RGMB: variants seen among roughly 807,000 people sequenced by gnomAD.
RGMB encodes repulsive guidance molecule BMP co-receptor b.
A neutral mutation model predicts 26.9 loss-of-function variants in RGMB; 16 were observed. The observed-to-expected ratio is 0.60, with a 90% CI of 0.40 to 0.90. The LOEUF (loss-of-function observed/expected upper bound fraction) is 0.90, where lower values mean the gene tolerates loss of function less well. Among genes scored for constraint, RGMB ranks in the 40% least tolerant of loss-of-function variants. The pLI, the probability that RGMB is intolerant of heterozygous loss-of-function variation, is 0.00. For synonymous variants in RGMB, 225 were observed against 229.3 expected (o/e 0.98, Z 0.17); for missense variants, 512 against 573.3 (o/e 0.89, Z 1.09).
At chr5:98,770,624 C>T, upstream of RGMB, 2 of 1,379,622 alleles carry the variant, frequency 1.4e-6, no homozygotes, top group Admixed American at 3.1e-5. Context: ...AGTTCAGGGG[C>T]CCCCTGATCC....
At position 98,793,466 on chromosome 5, in the gene RGMB, G is replaced by T; in HGVS notation, c.1027G>T (p.Val343Leu). The change falls in exon 3 of 3, where the codon GTG becomes TTG. Residue 343 changes from valine (V) to leucine (L), a missense_variant. Physicochemically the swap from Val to Leu is conservative, Grantham distance 32. Transcript: ENST00000513185. ...ACACAGCCTGCCTCGCACCTCCTTG[G>T]TGCAGGCCTGGCCTGGCTACACACT... is the stretch of plus-strand genomic sequence containing the variant. ...LGHSLPRTSL[V>L]QAWPGYTLET... is the part of the protein sequence containing the mutation. The T allele has an allele frequency of 6.2e-7, 1 of 1,613,036 alleles. No individual in the cohort carries two copies. Among genetic ancestry groups the T allele is most frequent in the Non-Finnish European group, 8.5e-7 (1 of 1,179,528 alleles).
At position 98,794,787 on chromosome 5, in the gene RGMB, A is replaced by C. The variant is rs1038113490; in HGVS notation, c.*1034A>C. ...TGGGGTTTGTTAGGTTCTTTCTCTA[A>C]TGTAGAGGCCCAGATCCCATCACAA... On this transcript the variant is annotated 3_prime_UTR_variant, in exon 3 of 3. Coordinates refer to ENST00000513185, the MANE Select transcript of RGMB (RefSeq NM_001366508.1). 2.0e-5 allele frequency: 3 copies of C among 152,098 alleles called. No individual in the cohort carries two copies. Among genetic ancestry groups the C allele is most frequent in the Non-Finnish European group, 4.4e-5 (3 of 68,004 alleles). 9.4% of individuals were successfully genotyped at this position (152,098 alleles called of 1,614,324 possible). A position where few individuals can be genotyped will look rare whatever the true frequency, so the allele number is the denominator to read the frequency against.
At position 98,793,736 on chromosome 5, in the gene RGMB, C is replaced by A. The variant is rs189989924; in HGVS notation, c.1297C>A (p.Leu433Ile). The A allele has an allele frequency of 2.5e-6, 4 of 1,575,938 alleles. No homozygotes were observed. The Admixed American group carries it at 7.5e-5, about 29-fold the overall frequency. Residue 433 changes from leucine to isoleucine, a missense_variant, in exon 3 of 3, where the codon CTT becomes ATT. Transcript: ENST00000513185. The stretch of plus-strand genomic sequence containing the variant: ...CAGTCTAGGACTCACCTGCTTGATC[C>A]TTATCGTGTTTTTGTAGGGGTTGTC... ...SVSLGLTCLI[L>I]IVFL is the part of the protein sequence containing the mutation.
At chr5:98,778,099 G>C (rs1222779684) in intron 1 of RGMB, among the ~76,000 whole-genome samples, 2 of 152,164 alleles carry the variant, frequency 1.3e-5, no homozygotes, top group Admixed American at 6.5e-5. Context: ...TAAAAGTGGT[G>C]ACAGAGTTGT....
upstream of RGMB, chr5:98,769,933 G>C (rs1167559375): frequency 6.6e-6 from 1 of 152,442 alleles, no homozygotes; most frequent in Non-Finnish European, 1.5e-5. Flanking sequence ...CAGGGCTGGC[G>C]CTCCGCAGAG....
chr5:98,791,657 G>C (rs920188814), intron 2 of RGMB, among the ~76,000 whole-genome samples: 2 of 152,126 alleles, frequency 1.3e-5, no homozygotes, highest in African/African-American at 2.4e-5. Flanking sequence ...GTTTTTTCAA[G>C]AAGGAAGAGA....
In RGMB at chr5:98,795,565, G is replaced by A. The variant is rs1448913924; in HGVS notation, c.*1812G>A. The A allele has an allele frequency of 6.6e-6, 1 of 152,128 alleles. No individual in the cohort carries two copies. Among genetic ancestry groups the A allele is most frequent in the Non-Finnish European group, 1.5e-5 (1 of 68,036 alleles). 9.4% of individuals were successfully genotyped at this position (152,128 alleles called of 1,614,324 possible). A position where few individuals can be genotyped will look rare whatever the true frequency, so the allele number is the denominator to read the frequency against. On this transcript the variant is annotated 3_prime_UTR_variant, in exon 3 of 3. Transcript: ENST00000513185. ...TGGGCAGTCTGGGAAAATAAGGAAG[G>A]CATCTCCTTCTTACTCATGGAGATT...
At chr5:98,787,852 T>C (rs17166380) in intron 2 of RGMB, among the ~76,000 whole-genome samples, 2,871 of 152,346 alleles carry the variant, frequency 0.019, 70 homozygotes, top group African/African-American at 0.066. Context: ...TGTGTCTTCC[T>C]GGGCCAGCTT....
At chr5:98,774,802 A>G (rs1000068120) in intron 1 of RGMB, among the ~76,000 whole-genome samples, 1 of 152,082 alleles carries the variant, frequency 6.6e-6, no homozygotes, top group Non-Finnish European at 1.5e-5. Context: ...CTCCCGGGAA[A>G]AGCTCGTGTT....
At chr5:98,781,533 T>C (rs1035051626) in intron 2 of RGMB, among the ~76,000 whole-genome samples, 1 of 152,224 alleles carries the variant, frequency 6.6e-6, no homozygotes, top group African/African-American at 2.4e-5. Context: ...AAATCCATCA[T>C]TACTGCAGAG....
At chr5:98,773,580 T>G, upstream of RGMB, 1 of 217,498 alleles carries the variant, frequency 4.6e-6, no homozygotes, top group Non-Finnish European at 9.0e-6. Flanking sequence ...CGGCGGGGGA[T>G]TATGGCGTCG....
chr5:98,770,470 G>GT (rs1746117972), upstream of RGMB: 1 of 434,600 alleles, frequency 2.3e-6, no homozygotes, highest in Non-Finnish European at 4.1e-6. Context: ...GAGCAGCGGC[G>GT]GAGCCCGCAG....
intron 2 of RGMB, among the ~76,000 whole-genome samples, chr5:98,787,499 G>A (rs2662259): frequency 0.23 from 35,037 of 152,176 alleles, 5,466 homozygotes; most frequent in African/African-American, 0.44. Context: ...TCACCTTTCA[G>A]AATATTTTTA....
intron 1 of RGMB, among the ~76,000 whole-genome samples, chr5:98,778,154 A>G (rs1369651741): frequency 6.6e-6 from 1 of 152,202 alleles, no homozygotes; most frequent in East Asian, 1.9e-4. Context: ...AGCCAAAGCC[A>G]GAAACAGAGC....
rs547369176 is a variant in RGMB at position 98,795,252 on chromosome 5, C to T, written c.*1499C>T. 6.6e-6 allele frequency: 1 copy of T among 152,262 alleles called. No individual in the cohort carries two copies. Among genetic ancestry groups the T allele is most frequent in the Non-Finnish European group, 1.5e-5 (1 of 68,018 alleles). The allele number at this position is 152,262 out of a possible 1,614,324, so 9.4% of individuals were successfully genotyped here. ...GTTCCAAGAAGTGATAGAGTTTCTGCTTTAATAATTTGTTGATAAGTTTAC... is the reference window on the plus strand; with the variant it reads ...GTTCCAAGAAGTGATAGAGTTTCTGTTTTAATAATTTGTTGATAAGTTTAC... On this transcript the variant is annotated 3_prime_UTR_variant, in exon 3 of 3. Coordinates refer to ENST00000513185, the MANE Select transcript of RGMB (RefSeq NM_001366508.1).
chr5:98,774,144 T>C lies in RGMB; in HGVS notation c.74T>C (p.Leu25Pro), dbSNP rs978754868. Reference protein sequence around the residue: ...AEVEQRRSPGLCPPPLELLLL... With the variant: ...AEVEQRRSPGPCPPPLELLLL... ...GTTGAGCAGCGCCGCAGCCCCGGGCTCTGCCCCCCGCCGCTGGAGCTGCTG... is the reference window on the plus strand; with the variant it reads ...GTTGAGCAGCGCCGCAGCCCCGGGCCCTGCCCCCCGCCGCTGGAGCTGCTG... The change falls in exon 1 of 3, where the codon CTC becomes CCC. Residue 25 changes from leucine to proline, a missense_variant. Physicochemically the swap from Leu to Pro is moderately conservative, Grantham distance 98. Coordinates refer to ENST00000513185, the MANE Select transcript of RGMB (RefSeq NM_001366508.1). 157 of 1,489,342 alleles carry C rather than the reference T, an allele frequency of 1.1e-4. 1 individual carries two copies. In the Middle Eastern group the frequency reaches 1.4e-3, roughly 13 times the overall value. The allele number at this position is 1,489,342 out of a possible 1,614,324, so 92.3% of individuals were successfully genotyped here. A position where few individuals can be genotyped will look rare whatever the true frequency, so the allele number is the denominator to read the frequency against.
chr5:98,770,655 C>T (rs771341428), upstream of RGMB: 69 of 1,457,686 alleles, frequency 4.7e-5, no homozygotes, highest in Non-Finnish European at 5.5e-5. Flanking sequence ...CCTCCAGGAG[C>T]GAAAGGGTTA....
In RGMB at chr5:98,779,673, T is replaced by G; in HGVS notation, c.230T>G (p.Phe77Cys). 1 of 1,585,232 alleles carries G rather than the reference T, an allele frequency of 6.3e-7. No individual in the cohort carries two copies. The highest frequency in any genetic ancestry group is 8.6e-7 in the Non-Finnish European group (1 of 1,162,880). ...CACCTGAACTCTGCCGTTGACGGCT[T>G]TGACTCTGAGTTTTGCAAGGCCTTG... ...TSHLNSAVDG[F>C]DSEFCKALRA... Residue 77 changes from phenylalanine (F) to cysteine (C), a missense_variant, in exon 2 of 3, where the codon TTT (phenylalanine) becomes TGT (cysteine). Coordinates refer to ENST00000513185, the MANE Select transcript of RGMB (RefSeq NM_001366508.1).
At chr5:98,781,671 A>G (rs761659515) in intron 2 of RGMB, among the ~76,000 whole-genome samples, 2 of 152,298 alleles carry the variant, frequency 1.3e-5, no homozygotes, top group Admixed American at 6.5e-5. Flanking sequence ...GAACAAAACT[A>G]TAGAGATTAA....
Sources: gnomAD v4.1 joint callset for allele counts (sites outside exome capture counted in the v4.1 genomes callset) on GRCh38, gnomAD v4.1.1 for gene constraint, MANE v1.5 for transcripts, NCBI Gene and HGNC (gene_info 2026-07-23, HGNC 2026-07-21) for gene names.